The following COL6A5 variants were observed in gnomAD, a reference collection of about 807,000 sequenced individuals.
COL6A5 encodes the protein collagen type VI alpha 5 chain, also known as collagen alpha-5(VI) chain.
Under a neutral mutation model 65.6 loss-of-function variants are expected in COL6A5, and 48 were observed. That is an observed-to-expected ratio of 0.73 (90% confidence interval 0.58 to 0.93). The LOEUF is 0.93. Ranked by LOEUF, COL6A5 falls within the 40% of genes least tolerant of loss-of-function variation. COL6A5 has a pLI of 0.00. For missense variants in COL6A5, 914 were observed against 928.3 expected, an observed-to-expected ratio of 0.98 and a Z score of 0.20; for synonymous variants, 291 against 322.8, an observed-to-expected ratio of 0.90 and a Z score of 1.05.
chr3:130,362,978 C>T (rs1457904483), intron 1 of COL6A5, among the ~76,000 whole-genome samples: 4 of 152,156 alleles, frequency 2.6e-5, no homozygotes, highest in African/African-American at 9.7e-5. Context: ...CTGACAATCT[C>T]TTTTAGTTGT....
intron 1 of COL6A5, among the ~76,000 whole-genome samples, chr3:130,358,155 C>G (rs1425361208): frequency 1.3e-5 from 2 of 151,930 alleles, no homozygotes; most frequent in African/African-American, 4.8e-5. Flanking sequence ...CACCACTGCA[C>G]TCCAGCCTGG....
chr3:130,418,318 C>A (rs1209285872), intron 24 of COL6A5, among the ~76,000 whole-genome samples: 1 of 152,044 alleles, frequency 6.6e-6, no homozygotes, highest in Non-Finnish European at 1.5e-5. Flanking sequence ...GGATCACTCT[C>A]ACCCCTTTCT....
chr3:130,431,995 G>T (rs780656517), intron 1 of COL6A5, 46 bp downstream of exon 33: 85 of 1,532,516 alleles, frequency 5.5e-5, no homozygotes, highest in Non-Finnish European at 6.8e-5. Context: ...GATAGAGGTA[G>T]GTATTGTGAT....
At chr3:130,470,148 T>C (rs542801344) in intron 6 of COL6A5, among the ~76,000 whole-genome samples, 1 of 152,198 alleles carries the variant, frequency 6.6e-6, no homozygotes, top group Admixed American at 6.5e-5. Context: ...AGGGATTTTT[T>C]AGGGTGTCTT....
In COL6A5 at chr3:130,388,575, TG is replaced by T. The variant is rs1236557767; in HGVS notation, c.1862-4del. 29 of 1,519,552 alleles carry T rather than the reference TG, an allele frequency of 1.9e-5. No individual in the cohort carries two copies. The highest frequency in any genetic ancestry group is 2.5e-5 in the Non-Finnish European group (28 of 1,134,284). The allele number at this position is 1,519,552 out of a possible 1,614,324, so 94.1% of individuals were successfully genotyped here. A position where few individuals can be genotyped will look rare whatever the true frequency, so the allele number is the denominator to read the frequency against. On this transcript the variant is annotated splice_polypyrimidine_tract_variant and splice_region_variant and intron_variant and NMD_transcript_variant, in intron 5 of 41. Coordinates refer to the COL6A5 transcript ENST00000312481. ...ATTTCTGGTCTTTTTTTTTATAACATGCAGGATGTGAAGACATGAAGGCCGA... is the reference window on the plus strand; with the variant it reads ...ATTTCTGGTCTTTTTTTTTATAACATCAGGATGTGAAGACATGAAGGCCGA...
exon 3 of COL6A5, chr3:130,440,729 C>G: frequency 1.2e-6 from 2 of 1,613,376 alleles, no homozygotes; most frequent in African/African-American, 1.3e-5. Context: ...AGCCAGCTAC[C>G]CACTTGATCA....
intron 7 of COL6A5, among the ~76,000 whole-genome samples, chr3:130,393,084 G>C (rs1443406769): frequency 1.4e-5 from 2 of 145,088 alleles, no homozygotes; most frequent in Admixed American, 6.8e-5. Flanking sequence ...TTTTGTGTGT[G>C]TGTGTGTGTG....
chr3:130,449,944 A>T (rs1277240022), intron 4 of COL6A5, among the ~76,000 whole-genome samples: 2 of 152,102 alleles, frequency 1.3e-5, no homozygotes, highest in Non-Finnish European at 2.9e-5. Context: ...CTTGAGGTAA[A>T]GGGCCAGTGA....
chr3:130,410,100 G>A (rs1363510298), intron 19 of COL6A5, 26 bp downstream of exon 19: 2 of 1,479,344 alleles, frequency 1.4e-6, no homozygotes, highest in Non-Finnish European at 1.8e-6. Context: ...TTATCTATGA[G>A]TTGATTAATT....
upstream of COL6A5, chr3:130,431,395 G>A: frequency 2.0e-6 from 3 of 1,505,788 alleles, no homozygotes; most frequent in Non-Finnish European, 2.7e-6. Context: ...CACTTCATTG[G>A]AGTAAAGAGT....
intron 29 of COL6A5, among the ~76,000 whole-genome samples, chr3:130,425,055 A>G (rs1050244607): frequency 1.3e-5 from 2 of 152,144 alleles, no homozygotes; most frequent in African/African-American, 4.8e-5. Flanking sequence ...TACTCTGTGT[A>G]TTAGCCAGAA....
At chr3:130,410,843 G>C (rs1479145473) in intron 20 of COL6A5, among the ~76,000 whole-genome samples, 2 of 152,110 alleles carry the variant, frequency 1.3e-5, no homozygotes, top group Non-Finnish European at 2.9e-5. Flanking sequence ...GTAGTGGTGA[G>C]TTTGAGAGGC....
At chr3:130,373,585 A>G in intron 1 of COL6A5, 26 bp from the exon 2 acceptor site, 1 of 1,094,318 alleles carries the variant, frequency 9.1e-7, no homozygotes, top group Non-Finnish European at 1.3e-6. Flanking sequence ...AAAATTTTTC[A>G]TAATGTAAAT....
chr3:130,440,753 C>T, exon 3 of COL6A5: 1 of 1,613,264 alleles, frequency 6.2e-7, no homozygotes, highest in Admixed American at 1.7e-5. Flanking sequence ...CCTGATACAG[C>T]TTGGGAGAAT....
At chr3:130,476,178 C>G (rs911872060) in intron 7 of COL6A5, among the ~76,000 whole-genome samples, 7 of 152,076 alleles carry the variant, frequency 4.6e-5, no homozygotes, top group South Asian at 2.1e-4. Flanking sequence ...GATGAGGGCT[C>G]TCTTCCTGGC....
upstream of COL6A5, among the ~76,000 whole-genome samples, chr3:130,426,577 G>C (rs955205969): frequency 1.3e-5 from 2 of 152,238 alleles, no homozygotes; most frequent in African/African-American, 4.8e-5. Flanking sequence ...AGAGAGGAAA[G>C]GGGGTATAAG....
exon 1 of COL6A5, chr3:130,431,673 C>T: frequency 6.4e-7 from 1 of 1,551,614 alleles, no homozygotes; most frequent in South Asian, 1.2e-5. Context: ...GGTCTGACTA[C>T]AATAGGAAGA....
chr3:130,354,536 C>A (rs1209044411), intron 1 of COL6A5, among the ~76,000 whole-genome samples: 4 of 152,142 alleles, frequency 2.6e-5, no homozygotes, highest in Non-Finnish European at 5.9e-5. Flanking sequence ...AGGGCTCACT[C>A]CAAAGCTGCT....
At position 130,397,932 on chromosome 3, in the gene COL6A5, A is replaced by G. The variant is rs1179470291; in HGVS notation, c.3909+9A>G. On this transcript the variant is annotated intron_variant and NMD_transcript_variant, in intron 9 of 41. Transcript: ENST00000312481. ...CTGCATCCCGGGGCCAGGTATCCAT[A>G]TTACATTCTATCTCCCATCTCCACA... 3.2e-6 allele frequency: 5 copies of G among 1,549,190 alleles called. No individual in the cohort carries two copies. The highest frequency in any genetic ancestry group is 1.7e-4 in the Middle Eastern group (1 of 5,988).
Sources: gnomAD v4.1 joint callset for allele counts (sites outside exome capture counted in the v4.1 genomes callset) on GRCh38, gnomAD v4.1.1 for gene constraint, MANE v1.5 for transcripts, NCBI Gene and HGNC (gene_info 2026-07-23, HGNC 2026-07-21) for gene names.